CENPE: variants seen among roughly 807,000 people sequenced by gnomAD.
CENPE encodes the protein centromere-associated protein E.
Under a neutral mutation model 336.1 loss-of-function variants are expected in CENPE, and 145 were observed. The observed-to-expected ratio is 0.43, with a 90% CI of 0.38 to 0.50. CENPE has a LOEUF of 0.50. Ranked by LOEUF, CENPE falls within the 20% of genes least tolerant of loss-of-function variation. The pLI is 0.00. For missense variants in CENPE, 2,719 were observed against 3,023.3 expected (o/e 0.90, Z 2.36); for synonymous variants, 1,013 against 984.8 (o/e 1.03, Z -0.54).
chr4:103,141,078 A>T lies in CENPE; in HGVS notation c.5490T>A (p.His1830Gln). Residue 1830 changes from histidine to glutamine, a missense_variant, in exon 36 of 49, where the codon CAT (histidine) becomes CAA (glutamine). Physicochemically the swap from His to Gln is conservative, Grantham distance 24 (BLOSUM62 0). Coordinates refer to ENST00000265148, the MANE Select transcript of CENPE (RefSeq NM_001813.3). ...EKIQELKANE[H>Q]QLITLKKDVN... ...CATCTTTTTTTAACGTAATAAGTTG[A>T]TGTTCATTTGCCTTAAGTTCTTGAA... 6.3e-7 allele frequency: 1 copy of T among 1,574,966 alleles called. No individual in the cohort carries two copies. Among genetic ancestry groups the T allele is most frequent in the South Asian group, 1.2e-5 (1 of 85,576 alleles).
In CENPE at chr4:103,108,965, T is replaced by C. The variant is rs759699906; in HGVS notation, c.7849A>G (p.Lys2617Glu). Residue 2617 changes from lysine to glutamate, a missense_variant, in exon 48 of 49, where the codon AAA (lysine) becomes GAA (glutamate). Transcript: ENST00000265148. Reference sequence around the variant, plus strand: ...TGAGAGGGTGTAATTTGTTTCTTTTTAGAAGCTGTTCCAGTCACTTTAGGA... The same window carrying C: ...TGAGAGGGTGTAATTTGTTTCTTTTCAGAAGCTGTTCCAGTCACTTTAGGA... ...KSPKVTGTAS[K>E]KKQITPSQCK... 16 of 1,613,814 alleles carry C rather than the reference T, an allele frequency of 9.9e-6. No individual in the cohort carries two copies. Among genetic ancestry groups the C allele is most frequent in the Non-Finnish European group, 1.3e-5 (15 of 1,179,852 alleles).
In CENPE at chr4:103,114,557, C is replaced by CA; in HGVS notation, c.7443-6dup. 6.4e-7 allele frequency: 1 copy of CA among 1,553,574 alleles called. No homozygotes were observed. The highest frequency in any genetic ancestry group is 1.4e-5 in the African/African-American group (1 of 73,764). ...GTGGCTTTTGTAGCACTGATTCTAA[C>CA]AAAAACAATAAAAATATGTAAAAAG... On this transcript the variant is annotated splice_region_variant and splice_polypyrimidine_tract_variant and intron_variant, in intron 45 of 48. Transcript: ENST00000265148.
intron 16 of CENPE, among the ~76,000 whole-genome samples, chr4:103,170,526 G>A (rs537388030): frequency 3.9e-5 from 6 of 151,906 alleles, no homozygotes; most frequent in African/African-American, 4.8e-5. Context: ...TGGTAACCAC[G>A]AAGGAAAAAA....
chr4:103,124,165 G>C (rs61638317), intron 42 of CENPE, among the ~76,000 whole-genome samples: 1,636 of 152,226 alleles, frequency 0.011, 23 homozygotes, highest in African/African-American at 0.034. Context: ...ATCCCCTCGG[G>C]GGTGGGGGGT....
Position 103,196,870 on chromosome 4 carries a change from G to A in CENPE, c.57-20C>T, listed in dbSNP as rs116520973. ...TCTTCTCTAAAAGAATAAAAACACC[G>A]CATTTTAACCAGTCATAAAAGTCAT... On this transcript the variant is annotated intron_variant, in intron 1 of 48. Coordinates refer to ENST00000265148, the MANE Select transcript of CENPE (RefSeq NM_001813.3). 108 of 1,200,984 alleles carry A rather than the reference G, an allele frequency of 9.0e-5. No individual in the cohort carries two copies. The highest frequency in any genetic ancestry group is 5.6e-4 in the East Asian group (24 of 42,952). 74.4% of individuals were successfully genotyped at this position (1,200,984 alleles called of 1,614,324 possible). A position where few individuals can be genotyped will look rare whatever the true frequency, so the allele number is the denominator to read the frequency against.
intron 34 of CENPE, 144 bp from the exon 35 acceptor site, chr4:103,142,052 C>T (rs1048638329): frequency 1.2e-5 from 7 of 576,222 alleles, no homozygotes; most frequent in Non-Finnish European, 2.1e-5. Flanking sequence ...GCTTTCTCTT[C>T]CCTGTCCTCC....
intron 13 of CENPE, among the ~76,000 whole-genome samples, chr4:103,178,190 C>G (rs1160896815): frequency 6.6e-6 from 1 of 152,080 alleles, no homozygotes; most frequent in Non-Finnish European, 1.5e-5. Flanking sequence ...ACACGGCACA[C>G]TCAAATGGCA....
chr4:103,178,301 T>C (rs1032498496), intron 13 of CENPE, among the ~76,000 whole-genome samples: 1 of 152,080 alleles, frequency 6.6e-6, no homozygotes, highest in Non-Finnish European at 1.5e-5. Context: ...TGCATGGCAA[T>C]ATTCCCTTCC....
rs767613874 is a variant in CENPE, at chr4:103,140,852, C to A, written c.5716G>T (p.Asp1906Tyr). Residue 1906 changes from aspartate (D) to tyrosine (Y), a missense_variant, in exon 36 of 49, where the codon GAC becomes TAC. Transcript: ENST00000265148. ...TCTTGCAGGCTTTCCTTGAGTTGGT[C>A]TCTCTCCAGTTTGAGTGTCTCCTCT... The part of the protein sequence containing the change: ...RVEETLKLER[D>Y]QLKESLQETK... 9 of 1,601,848 alleles carry A rather than the reference C, an allele frequency of 5.6e-6. No individual in the cohort carries two copies. The highest frequency in any genetic ancestry group is 1.4e-5 in the African/African-American group (1 of 73,814).
At chr4:103,169,407 T>G (rs753648715) in intron 16 of CENPE, among the ~76,000 whole-genome samples, 5 of 152,160 alleles carry the variant, frequency 3.3e-5, no homozygotes, top group African/African-American at 1.2e-4. Flanking sequence ...AAGCAATACA[T>G]ATCCACATAT....
At chr4:103,187,676 AATAG>A (rs1756910622) in intron 8 of CENPE, among the ~76,000 whole-genome samples, 1 of 152,242 alleles carries the variant, frequency 6.6e-6, no homozygotes, top group Non-Finnish European at 1.5e-5. Flanking sequence ...AACAACCGGT[AATAG>A]CCACTGCAAA....
Position 103,140,061 on chromosome 4 carries a change from T to G in CENPE, c.5932A>C (p.Lys1978Gln), listed in dbSNP as rs1201530794. Reference sequence around the variant, plus strand: ...TTCACTCTAAGCAGTTGAAGTTCTTTTTTCTGAAGTTCTTGGATCTTGAGA... The same window carrying G: ...TTCACTCTAAGCAGTTGAAGTTCTTGTTTCTGAAGTTCTTGGATCTTGAGA... ...LQKKIQELQK[K>Q]ELQLLRVKED... is the part of the protein sequence containing the mutation. The change falls in exon 38 of 49, where the codon AAA becomes CAA. Residue 1978 changes from lysine to glutamine, a missense_variant. This residue lies in a region of CENPE where 2,437 missense variants were observed against 2,513.3 expected (regional missense o/e 0.97). Transcript: ENST00000265148. The G allele has an allele frequency of 6.2e-7, 1 of 1,601,710 alleles. No individual in the cohort carries two copies. Among genetic ancestry groups the G allele is most frequent in the Non-Finnish European group, 8.5e-7 (1 of 1,175,904 alleles).
At position 103,159,009 on chromosome 4, in the gene CENPE, C is replaced by A; in HGVS notation, c.2601+1G>T. 6.5e-7 allele frequency: 1 copy of A among 1,531,730 alleles called. No homozygotes were observed. Among genetic ancestry groups the A allele is most frequent in the African/African-American group, 1.4e-5 (1 of 71,962 alleles). 94.9% of individuals were successfully genotyped at this position (1,531,730 alleles called of 1,614,324 possible). ...TTCTCAAAATAGCATCTTGTACCAA[C>A]CTCGGTCTTCAAAGCACCCAAACTC... On this transcript the variant is annotated splice_donor_variant, in intron 22 of 48. Transcript: ENST00000265148. LOFTEE classifies it high-confidence loss of function.
intron 26 of CENPE, 78 bp from the exon 27 acceptor site, chr4:103,149,486 C>A: frequency 2.4e-6 from 3 of 1,260,212 alleles, no homozygotes; most frequent in South Asian, 1.6e-5. Flanking sequence ...AACAGCCTTG[C>A]CTCCTATCAG....
At chr4:103,114,582 G>T in intron 45 of CENPE, 30 bp from the exon 46 acceptor site, 1 of 1,376,204 alleles carries the variant, frequency 7.3e-7, no homozygotes, top group Non-Finnish European at 1.0e-6. Flanking sequence ...TATGTAAAAA[G>T]CTCAGCAACT....
chr4:103,144,224 C>T, intron 33 of CENPE, 107 bp downstream of exon 33: 1 of 935,672 alleles, frequency 1.1e-6, no homozygotes, highest in Non-Finnish European at 1.6e-6. Context: ...GCTCGAGCCA[C>T]CGCGCCCGGC....
chr4:103,112,323 G>GTATA (rs199568528), intron 46 of CENPE, among the ~76,000 whole-genome samples: 22,666 of 144,912 alleles, frequency 0.16, 2,075 homozygotes, highest in Non-Finnish European at 0.2. Context: ...ACTTATAAGT[G>GTATA]TATATATATA....
Position 103,139,939 on chromosome 4 carries a change from C to G in CENPE, c.6054G>C (p.Met2018Ile). The change falls in exon 38 of 49, where the codon ATG (methionine) becomes ATC (isoleucine). Residue 2018 changes from methionine (M) to isoleucine (I), a missense_variant. Coordinates refer to ENST00000265148, the MANE Select transcript of CENPE (RefSeq NM_001813.3). Reference protein sequence around the residue: ...AQNLSMQSVRMDNFQLTKKLH... With the variant: ...AQNLSMQSVRIDNFQLTKKLH... ...GTTTCTTAGTCAACTGGAAGTTATC[C>G]ATTCTCACACTTTGCATAGATAAGT... 1 of 1,613,316 alleles carries G rather than the reference C, an allele frequency of 6.2e-7. No homozygotes were observed. The highest frequency in any genetic ancestry group is 8.5e-7 in the Non-Finnish European group (1 of 1,179,622).
At chr4:103,112,989 CTTATAAGTATATAAGTGTAT>C in intron 46 of CENPE, among the ~76,000 whole-genome samples, 2 of 46,772 alleles carry the variant, frequency 4.3e-5, no homozygotes, top group East Asian at 9.8e-4. Flanking sequence ...TATATATATA[CTTATAAGTATATAAGTGTAT>C]ATATATACTT....
Sources: allele counts gnomAD v4.1 joint callset (sites outside exome capture counted in the v4.1 genomes callset), GRCh38; gene constraint gnomAD v4.1.1; regional missense constraint gnomAD v4.1.1; transcripts MANE v1.5; gene names NCBI Gene and HGNC (gene_info 2026-07-23, HGNC 2026-07-21).